Variants in ITPR2 observed in about 807,000 individuals in gnomAD.
ITPR2 encodes inositol 1,4,5-trisphosphate-gated calcium channel ITPR2.
ITPR2 carries 207 observed loss-of-function variants against 317.1 expected under a neutral mutation model. That is an observed-to-expected ratio of 0.65 (90% confidence interval 0.58 to 0.73). The LOEUF (loss-of-function observed/expected upper bound fraction) is 0.73, where lower values mean the gene tolerates loss of function less well. ITPR2 is among the 30% of genes least tolerant of loss of function. The pLI, the probability that ITPR2 is intolerant of heterozygous loss-of-function variation, is 0.00. For synonymous variants in ITPR2, 1,156 were observed against 1,149.1 expected (o/e 1.01, Z -0.12); for missense variants, 2,613 against 3,284.0 (o/e 0.80, Z 4.99).
chr12:26,387,533 T>C lies in ITPR2; in HGVS notation c.7758A>G (p.Glu2586=). The C allele has an allele frequency of 6.2e-7, 1 of 1,613,846 alleles. No homozygotes were observed. The highest frequency in any genetic ancestry group is 8.5e-7 in the Non-Finnish European group (1 of 1,179,862). The part of the protein sequence containing the change: ...TVSFEEHIKS[E]HNMWHYLYFI... ...AGTACAAATAATGCCACATATTGTG[T>C]TCTGACTTAATGTGCTCCTCAAATG... is the stretch of plus-strand genomic sequence containing the variant. The change falls in exon 55 of 57, where the codon GAA becomes GAG. Residue 2586 remains glutamate, a synonymous_variant. Coordinates refer to ENST00000381340, the MANE Select transcript of ITPR2 (RefSeq NM_002223.4).
chr12:26,689,032 GA>G (rs1418864850), intron 10 of ITPR2, among the ~76,000 whole-genome samples: 2 of 152,138 alleles, frequency 1.3e-5, no homozygotes, highest in Admixed American at 6.5e-5. Context: ...TGACATGATG[GA>G]TACGTTAATT....
chr12:26,728,316 G>A (rs780596763), intron 2 of ITPR2, among the ~76,000 whole-genome samples: 1 of 152,152 alleles, frequency 6.6e-6, no homozygotes, highest in African/African-American at 2.4e-5. Flanking sequence ...GCGGGAAAAG[G>A]TCAAGGAGGG....
At chr12:26,702,431 CTTTTT>C (rs11316603) in intron 9 of ITPR2, among the ~76,000 whole-genome samples, 1 of 97,876 alleles carries the variant, frequency 1.0e-5, no homozygotes, top group Non-Finnish European at 2.0e-5. Context: ...TTTTTTTTTT[CTTTTT>C]TTTTTTTCTC....
intron 17 of ITPR2, 48 bp downstream of exon 17, chr12:26,657,963 C>T (rs777180856): frequency 1.9e-5 from 31 of 1,601,904 alleles, no homozygotes; most frequent in South Asian, 1.2e-4. Context: ...AATTACAGTG[C>T]TTACAAATAA....
intron 2 of ITPR2, among the ~76,000 whole-genome samples, chr12:26,781,875 C>T (rs1051701127): frequency 2.0e-5 from 3 of 151,636 alleles, no homozygotes; most frequent in African/African-American, 7.3e-5. Flanking sequence ...TCCCAGCCTA[C>T]ATCTTTCTTC....
chr12:26,494,425 T>A, intron 38 of ITPR2, 85 bp from the exon 39 acceptor site: 1 of 861,574 alleles, frequency 1.2e-6, no homozygotes, highest in Non-Finnish European at 1.7e-6. Flanking sequence ...ATTTTATTAT[T>A]TTAATAAAAA....
intron 5 of ITPR2, among the ~76,000 whole-genome samples, chr12:26,721,730 T>C (rs530393212): frequency 1.3e-4 from 20 of 152,278 alleles, no homozygotes; most frequent in African/African-American, 4.1e-4. Context: ...GCAGAAAATA[T>C]TTCAGCAACT....
At chr12:26,715,652 T>C (rs1172234926) in intron 7 of ITPR2, 100 bp downstream of exon 7, 5 of 831,156 alleles carry the variant, frequency 6.0e-6, no homozygotes, top group Non-Finnish European at 9.6e-6. Context: ...AGTCACATTC[T>C]AAATTATGAA....
chr12:26,736,145 C>T (rs1375034431), intron 2 of ITPR2, among the ~76,000 whole-genome samples: 1 of 151,784 alleles, frequency 6.6e-6, no homozygotes, highest in South Asian at 2.1e-4. Flanking sequence ...ATCTTTTTTG[C>T]GGGGTGGGGG....
chr12:26,580,719 G>A (rs1211545652), intron 32 of ITPR2, among the ~76,000 whole-genome samples: 1 of 152,136 alleles, frequency 6.6e-6, no homozygotes, highest in Admixed American at 6.6e-5. Flanking sequence ...TGGAAGTATA[G>A]GTTTGCGTGC....
In ITPR2 at chr12:26,831,834, A is replaced by C. The variant is rs1951113489; in HGVS notation, c.92+856T>G. ...TATATAAATATATATTATACATAAAATATATAAATATATATTATACATAAA... is the reference window on the plus strand; with the variant it reads ...TATATAAATATATATTATACATAAACTATATAAATATATATTATACATAAA... On this transcript the variant is annotated intron_variant, in intron 1 of 56. Transcript: ENST00000381340. The surrounding 1 kb of genome is among the most constrained non-coding windows in gnomAD (Gnocchi z 4.9). 6.9e-6 allele frequency among the ~76,000 whole-genome samples: 1 copy of C among 145,512 alleles called. No homozygotes were observed. Among genetic ancestry groups the C allele is most frequent in the South Asian group, 2.1e-4 (1 of 4,776 alleles).
At chr12:26,634,662 G>T (rs974620834) in intron 21 of ITPR2, among the ~76,000 whole-genome samples, 1 of 152,054 alleles carries the variant, frequency 6.6e-6, no homozygotes, top group Non-Finnish European at 1.5e-5. Context: ...AAGGCGGGTG[G>T]ATCACTTGAG....
intron 9 of ITPR2, among the ~76,000 whole-genome samples, chr12:26,699,212 G>A (rs1473951819): frequency 6.6e-6 from 1 of 152,014 alleles, no homozygotes; most frequent in Non-Finnish European, 1.5e-5. Context: ...ATGTACCTAA[G>A]TCAAACACAA....
Position 26,606,494 on chromosome 12 carries a change from T to C in ITPR2, c.3463-3788A>G, listed in dbSNP as rs546517421. 5.3e-5 allele frequency among the ~76,000 whole-genome samples: 8 copies of C among 149,972 alleles called. No individual in the cohort carries two copies. The East Asian group carries it at 1.6e-3, about 29-fold the overall frequency. On this transcript the variant is annotated intron_variant, in intron 26 of 56. Transcript: ENST00000381340. ...TCTAGAAATTGGGTGGCATCAGGGT[T>C]CTAGGCAGAGAAACAAAGAGTGAAT...
At chr12:26,647,376 T>G (rs1467881056) in intron 21 of ITPR2, among the ~76,000 whole-genome samples, 1 of 152,236 alleles carries the variant, frequency 6.6e-6, no homozygotes, top group African/African-American at 2.4e-5. Context: ...CTCAACTATT[T>G]AAGTGACTCT....
In ITPR2 at chr12:26,657,851, A is replaced by T. The variant is rs149662598; in HGVS notation, c.2048T>A (p.Ile683Asn). 6.2e-7 allele frequency: 1 copy of T among 1,614,190 alleles called. No homozygotes were observed. Among genetic ancestry groups the T allele is most frequent in the South Asian group, 1.1e-5 (1 of 91,088 alleles). Reference sequence around the variant, plus strand: ...TTCATCATCAATGTCATCTGAAAGGATGGAGCTCTCCATGGGGTTGTCTGC... The same window carrying T: ...TTCATCATCAATGTCATCTGAAAGGTTGGAGCTCTCCATGGGGTTGTCTGC... ...MQADNPMESS[I>N]LSDDIDDEEV... The change falls in exon 18 of 57, where the codon ATC (isoleucine) becomes AAC (asparagine). Residue 683 changes from isoleucine to asparagine, a missense_variant. This residue lies in a region of ITPR2 where 817 missense variants were observed against 897.6 expected (regional missense o/e 0.91). Transcript: ENST00000381340.
chr12:26,579,622 T>G (rs528090080), intron 33 of ITPR2, among the ~76,000 whole-genome samples: 2 of 152,112 alleles, frequency 1.3e-5, no homozygotes, highest in South Asian at 2.1e-4. Flanking sequence ...TTTAAGGATG[T>G]TTAATTGATT....
chr12:26,620,413 C>G (rs1160184807), intron 26 of ITPR2, among the ~76,000 whole-genome samples: 1 of 152,310 alleles, frequency 6.6e-6, no homozygotes, highest in African/African-American at 2.4e-5. Context: ...ATCAAAACGG[C>G]TTATATGCCT....
At chr12:26,736,679 G>T (rs540666079) in intron 2 of ITPR2, among the ~76,000 whole-genome samples, 62 of 152,266 alleles carry the variant, frequency 4.1e-4, no homozygotes, top group African/African-American at 1.5e-3. Context: ...TGGTTTGGGT[G>T]ATAAGTATAT....
Sources: gnomAD v4.1 joint callset for allele counts (sites outside exome capture counted in the v4.1 genomes callset) on GRCh38, gnomAD v4.1.1 for gene constraint, gnomAD v4.1.1 regional missense constraint, Gnocchi (gnomAD v3.1) non-coding constraint, MANE v1.5 for transcripts, NCBI Gene and HGNC (gene_info 2026-07-23, HGNC 2026-07-21) for gene names.